Variants in TBC1D5 observed in about 807,000 individuals in gnomAD.
The protein encoded by TBC1D5 is TBC1 domain family, member 5.
TBC1D5 carries 75 observed loss-of-function variants against 100.3 expected under a neutral mutation model. The ratio of observed to expected loss-of-function variants is 0.75; its 90% CI spans 0.62 to 0.91. TBC1D5 has a LOEUF of 0.91. Among genes scored for constraint, TBC1D5 ranks in the 40% least tolerant of loss-of-function variants. TBC1D5 has a pLI of 0.00. For missense variants in TBC1D5, 910 were observed against 942.4 expected (o/e 0.97, Z 0.45); for synonymous variants, 323 against 325.6 (o/e 0.99, Z 0.09).
chr3:17,631,819 A>G (rs74697238), intron 1 of TBC1D5, among the ~76,000 whole-genome samples: 5,281 of 152,304 alleles, frequency 0.035, 347 homozygotes, highest in East Asian at 0.24. Context: ...TCAGAAAAAA[A>G]GATCCCTTTC....
intron 1 of TBC1D5, among the ~76,000 whole-genome samples, chr3:17,694,673 T>G (rs556404203): frequency 1.2e-4 from 18 of 152,312 alleles, no homozygotes; most frequent in African/African-American, 3.8e-4. Context: ...AAAACAGTCT[T>G]CAGGATATTA....
chr3:17,398,546 A>C (rs2152391774), intron 8 of TBC1D5, among the ~76,000 whole-genome samples: 1 of 152,284 alleles, frequency 6.6e-6, no homozygotes, highest in African/African-American at 2.4e-5. Context: ...ATTGAACAAC[A>C]CTGATCATCA....
chr3:17,302,119 C>T (rs2082904923), intron 14 of TBC1D5, among the ~76,000 whole-genome samples: 1 of 152,150 alleles, frequency 6.6e-6, no homozygotes, highest in Non-Finnish European at 1.5e-5. Context: ...TCCTCCTTGC[C>T]TCTCCTGCTT....
At chr3:17,214,516 A>C in intron 17 of TBC1D5, 146 bp from the exon 19 acceptor site, 1 of 782,922 alleles carries the variant, frequency 1.3e-6, no homozygotes, top group Non-Finnish European at 1.9e-6. Context: ...ATTAAAATGC[A>C]TGCATTTTTA....
intron 17 of TBC1D5, among the ~76,000 whole-genome samples, chr3:17,223,576 G>C (rs566072531): frequency 6.6e-6 from 1 of 152,058 alleles, no homozygotes; most frequent in African/African-American, 2.4e-5. Context: ...AAAAGACTAC[G>C]CTGGCGGGGT....
chr3:17,588,301 A>C (rs1037361832), intron 2 of TBC1D5, among the ~76,000 whole-genome samples: 2 of 151,922 alleles, frequency 1.3e-5, no homozygotes, highest in Admixed American at 1.3e-4. Context: ...AGGAAACACA[A>C]AAAAAATCTC....
chr3:17,385,611 A>G (rs1466984784), intron 8 of TBC1D5, among the ~76,000 whole-genome samples: 2 of 152,014 alleles, frequency 1.3e-5, no homozygotes, highest in African/African-American at 4.8e-5. Context: ...AAATAAATTA[A>G]GGTCCATTTT....
intron 17 of TBC1D5, among the ~76,000 whole-genome samples, chr3:17,223,417 C>T (rs78243304): frequency 1.9e-4 from 29 of 152,222 alleles, no homozygotes; most frequent in Non-Finnish European, 3.4e-4. Flanking sequence ...TGGACCTTTA[C>T]ATATATTATT....
intron 2 of TBC1D5, among the ~76,000 whole-genome samples, chr3:17,612,283 G>T (rs1162279719): frequency 7.6e-6 from 1 of 132,270 alleles, no homozygotes; most frequent in East Asian, 2.3e-4. Context: ...CTGGGTGACA[G>T]ACTAAGACAC....
In TBC1D5 at chr3:17,270,829, A is replaced by G. The variant is rs2149673994; in HGVS notation, c.1246-12238T>C. 1.3e-5 allele frequency among the ~76,000 whole-genome samples: 2 copies of G among 152,266 alleles called. 1 individual carries two copies. The highest frequency in any genetic ancestry group is 4.1e-4 in the South Asian group (2 of 4,832). Reference sequence around the variant, plus strand: ...TAGGAGTCCAGTTTCATTCTTCTGCATATAGTTAGCCAGTTTTCCCAGCAC... The same window carrying G: ...TAGGAGTCCAGTTTCATTCTTCTGCGTATAGTTAGCCAGTTTTCCCAGCAC... On this transcript the variant is annotated intron_variant, in intron 15 of 21. Transcript: ENST00000253692.
At chr3:17,341,408 G>C (rs2088902053) in intron 13 of TBC1D5, among the ~76,000 whole-genome samples, 1 of 152,126 alleles carries the variant, frequency 6.6e-6, no homozygotes. Context: ...GTGTTAGCCA[G>C]GATGGTCTCG....
intron 19 of TBC1D5, among the ~76,000 whole-genome samples, chr3:17,178,269 G>T (rs2068040802): frequency 6.6e-6 from 1 of 151,920 alleles, no homozygotes; most frequent in Non-Finnish European, 1.5e-5. Flanking sequence ...GTTTCACCAT[G>T]TTAGCCAGGA....
In TBC1D5 at chr3:17,361,041, T is replaced by C. The variant is rs146238533; in HGVS notation, c.995+11034A>G. On this transcript the variant is annotated intron_variant, in intron 13 of 21. Coordinates refer to ENST00000253692, the Ensembl canonical transcript of TBC1D5. ...ATTACATTTCCAAATATATATGTAA[T>C]AGTCCTTTAGCTACAGTATATCAAG... 3.9e-5 allele frequency among the ~76,000 whole-genome samples: 6 copies of C among 152,164 alleles called. No homozygotes were observed. The East Asian group carries it at 1.2e-3, about 29-fold the overall frequency.
intron 17 of TBC1D5, among the ~76,000 whole-genome samples, chr3:17,221,065 G>T (rs2074232241): frequency 6.6e-6 from 1 of 151,710 alleles, no homozygotes; most frequent in Non-Finnish European, 1.5e-5. Context: ...CTTCTTCTTG[G>T]GTCAATTTTC....
chr3:17,620,762 A>G (rs1055303307), intron 2 of TBC1D5, among the ~76,000 whole-genome samples: 2 of 152,174 alleles, frequency 1.3e-5, no homozygotes, highest in African/African-American at 4.8e-5. Flanking sequence ...AATTTCCTAT[A>G]TATTCAAAAA....
intron 2 of TBC1D5, among the ~76,000 whole-genome samples, chr3:17,533,235 A>G (rs550518455): frequency 2.4e-4 from 37 of 152,226 alleles, no homozygotes; most frequent in Non-Finnish European, 4.3e-4. Context: ...AAACTATTTA[A>G]GATAGAGTTC....
chr3:17,357,535 T>C (rs2091326647), intron 13 of TBC1D5, among the ~76,000 whole-genome samples: 1 of 152,082 alleles, frequency 6.6e-6, no homozygotes, highest in Non-Finnish European at 1.5e-5. Flanking sequence ...GGGAGTTACT[T>C]ATAGATGGCT....
At chr3:17,466,161 C>T (rs1219265687) in intron 3 of TBC1D5, among the ~76,000 whole-genome samples, 8 of 152,072 alleles carry the variant, frequency 5.3e-5, no homozygotes, top group African/African-American at 1.4e-4. Context: ...CTAGAGATAC[C>T]GCTATAGTCA....
intron 15 of TBC1D5, among the ~76,000 whole-genome samples, chr3:17,266,276 G>A (rs534720336): frequency 1.3e-5 from 2 of 152,240 alleles, no homozygotes; most frequent in East Asian, 1.9e-4. Context: ...AAAGGCAGAC[G>A]TTATAATCCC....
Sources: allele counts gnomAD v4.1 joint callset (sites outside exome capture counted in the v4.1 genomes callset), GRCh38; gene constraint gnomAD v4.1.1; transcripts MANE v1.5; gene names NCBI Gene and HGNC (gene_info 2026-07-23, HGNC 2026-07-21).